CSNK2A2IP: variants seen among roughly 807,000 people sequenced by gnomAD.
CSNK2A2IP encodes the protein casein kinase 2 subunit alpha' interacting protein.
chr3:88,449,844 C>T, the CSNK2A2IP span, among the ~76,000 whole-genome samples: 282 of 86,846 alleles, frequency 3.2e-3, no homozygotes, highest in Middle Eastern at 6.3e-3. Flanking sequence ...CACACACACA[C>T]ACACACACAC....
At chr3:88,457,729 A>ATAAAG in the CSNK2A2IP span, among the ~76,000 whole-genome samples, 1 of 150,020 alleles carries the variant, frequency 6.7e-6, no homozygotes, top group Non-Finnish European at 1.5e-5. Context: ...ATAAAATAAA[A>ATAAAG]TAAAATAAAA....
the CSNK2A2IP span, among the ~76,000 whole-genome samples, chr3:88,455,334 G>A: frequency 6.6e-6 from 1 of 151,690 alleles, no homozygotes; most frequent in Non-Finnish European, 1.5e-5. Context: ...ATACATACCA[G>A]TAGGTTCTTT....
the CSNK2A2IP span, among the ~76,000 whole-genome samples, chr3:88,451,941 G>A: frequency 6.6e-6 from 1 of 151,680 alleles, no homozygotes; most frequent in East Asian, 1.9e-4. Context: ...TTTTTGAATT[G>A]AGTTTCCTAT....
chr3:88,421,912 G>A, the CSNK2A2IP span, among the ~76,000 whole-genome samples: 7 of 152,104 alleles, frequency 4.6e-5, no homozygotes, highest in Admixed American at 3.3e-4. Context: ...GGGTCTACAC[G>A]CTTTTGGAAT....
At chr3:88,418,951 G>C in the CSNK2A2IP span, among the ~76,000 whole-genome samples, 17 of 152,140 alleles carry the variant, frequency 1.1e-4, no homozygotes, top group Admixed American at 9.2e-4. Context: ...ATCAGCAGTG[G>C]CTTTAGATTC....
the CSNK2A2IP span, among the ~76,000 whole-genome samples, chr3:88,363,977 G>C: frequency 6.6e-6 from 1 of 152,138 alleles, no homozygotes; most frequent in East Asian, 1.9e-4. Context: ...TACTTGGGGA[G>C]ATCCTTTGTG....
the CSNK2A2IP span, among the ~76,000 whole-genome samples, chr3:88,362,750 T>C: frequency 1.3e-5 from 2 of 152,174 alleles, no homozygotes; most frequent in African/African-American, 4.8e-5. Context: ...CTAGAAATGA[T>C]GTTCAGGAGC....
chr3:88,445,148 T>A, the CSNK2A2IP span, among the ~76,000 whole-genome samples: 1 of 151,872 alleles, frequency 6.6e-6, no homozygotes, highest in Non-Finnish European at 1.5e-5. Context: ...CCAGAGATAA[T>A]ATAATCTACA....
chr3:88,362,005 T>C, the CSNK2A2IP span, among the ~76,000 whole-genome samples: 1 of 152,170 alleles, frequency 6.6e-6, no homozygotes, highest in African/African-American at 2.4e-5. Flanking sequence ...CTATGTTATT[T>C]TGAAGTCTGT....
the CSNK2A2IP span, among the ~76,000 whole-genome samples, chr3:88,339,126 T>C: frequency 1.3e-5 from 2 of 152,122 alleles, no homozygotes; most frequent in Non-Finnish European, 1.5e-5. Flanking sequence ...ATAGTCATTC[T>C]ATTGTGCTAT....
chr3:88,431,131 G>A, the CSNK2A2IP span: 8 of 152,290 alleles, frequency 5.3e-5, no homozygotes, highest in African/African-American at 1.7e-4. Flanking sequence ...TTAAATTCCA[G>A]GATAACAGCA....
At chr3:88,456,602 G>A in the CSNK2A2IP span, among the ~76,000 whole-genome samples, 28 of 149,176 alleles carry the variant, frequency 1.9e-4, no homozygotes, top group South Asian at 1.5e-3. Context: ...GTGGGCTTTA[G>A]GGTTTTCTAT....
At chr3:88,351,609 C>T in the CSNK2A2IP span, among the ~76,000 whole-genome samples, 1 of 151,906 alleles carries the variant, frequency 6.6e-6, no homozygotes, top group Non-Finnish European at 1.5e-5. Context: ...CGTATACTGT[C>T]TAATAAAAAA....
At chr3:88,436,864 A>G in the CSNK2A2IP span, among the ~76,000 whole-genome samples, 2 of 152,150 alleles carry the variant, frequency 1.3e-5, no homozygotes, top group African/African-American at 2.4e-5. Context: ...TCAGCTTCCT[A>G]AAATGGCCAG....
At chr3:88,446,955 A>G in the CSNK2A2IP span, among the ~76,000 whole-genome samples, 3 of 152,214 alleles carry the variant, frequency 2.0e-5, no homozygotes, top group East Asian at 1.9e-4. Flanking sequence ...GAACTCCTGT[A>G]TATGTTCTCA....
At chr3:88,428,440 G>C in the CSNK2A2IP span, among the ~76,000 whole-genome samples, 4 of 152,054 alleles carry the variant, frequency 2.6e-5, no homozygotes, top group South Asian at 8.3e-4. Flanking sequence ...CATGAGATTT[G>C]GGAGGGGCCA....
At chr3:88,420,740 A>C in the CSNK2A2IP span, among the ~76,000 whole-genome samples, 1,029 of 152,204 alleles carry the variant, frequency 6.8e-3, 10 homozygotes, top group African/African-American at 0.023. Flanking sequence ...AATGTATGTT[A>C]TTTGGTTTAT....
At chr3:88,425,397 G>A in the CSNK2A2IP span, among the ~76,000 whole-genome samples, 1 of 151,984 alleles carries the variant, frequency 6.6e-6, no homozygotes, top group South Asian at 2.1e-4. Flanking sequence ...ACCTACATAA[G>A]AGTAATAAAA....
chr3:88,464,705 C>G, the CSNK2A2IP span, among the ~76,000 whole-genome samples: 3 of 152,030 alleles, frequency 2.0e-5, no homozygotes, highest in Admixed American at 2.0e-4. Flanking sequence ...TTATTTTTCT[C>G]TGAGTTTTTT....
Sources: allele counts gnomAD v4.1 joint callset (sites outside exome capture counted in the v4.1 genomes callset), GRCh38; gene constraint gnomAD v4.1.1; transcripts MANE v1.5; gene names NCBI Gene and HGNC (gene_info 2026-07-23, HGNC 2026-07-21).